Variants in NEK1 observed in about 807,000 individuals in gnomAD.
NEK1 encodes the protein NIMA related kinase 1.
NEK1 carries 137 observed loss-of-function variants against 182.1 expected under a neutral mutation model. The observed-to-expected ratio is 0.75, with a 90% CI of 0.65 to 0.87. The LOEUF (loss-of-function observed/expected upper bound fraction) is 0.87, where lower values mean the gene tolerates loss of function less well. Among genes scored for constraint, NEK1 ranks in the 40% least tolerant of loss-of-function variants. NEK1 has a pLI of 0.00. For synonymous variants in NEK1, 513 were observed against 492.2 expected (o/e 1.04, Z -0.56); for missense variants, 1,391 against 1,494.4 (o/e 0.93, Z 1.14).
At chr4:169,522,423 G>T (rs1266021413) in intron 19 of NEK1, among the ~76,000 whole-genome samples, 1 of 152,120 alleles carries the variant, frequency 6.6e-6, no homozygotes, top group Admixed American at 6.6e-5. Context: ...CATTCAGCTT[G>T]GTTTGACAAG....
At chr4:169,586,629 G>A (rs1420142684) in intron 9 of NEK1, among the ~76,000 whole-genome samples, 1 of 151,800 alleles carries the variant, frequency 6.6e-6, no homozygotes, top group Non-Finnish European at 1.5e-5. Flanking sequence ...TAACTGTGTT[G>A]CAGAAAAACT....
Position 169,537,797 on chromosome 4 carries a change from CA to C in NEK1, c.1665+11del. ...ATACATTCAAAATCTCAGAAACAAACAAAATTCATACCATATGTCCTTCGGC... is the reference window on the plus strand; with the variant it reads ...ATACATTCAAAATCTCAGAAACAAACAAATTCATACCATATGTCCTTCGGC... On this transcript the variant is annotated intron_variant, in intron 19 of 35. Transcript: ENST00000507142. The C allele has an allele frequency of 1.9e-6, 3 of 1,603,712 alleles. No homozygotes were observed. Among genetic ancestry groups the C allele is most frequent in the Non-Finnish European group, 1.7e-6 (2 of 1,171,066 alleles).
chr4:169,485,206 C>T (rs541037337), intron 23 of NEK1, among the ~76,000 whole-genome samples: 27 of 152,234 alleles, frequency 1.8e-4, no homozygotes, highest in African/African-American at 6.0e-4. Flanking sequence ...TCTGAGTCAA[C>T]TAAACCAAAC....
chr4:169,462,821 T>C (rs868304485), intron 27 of NEK1, among the ~76,000 whole-genome samples: 1 of 152,150 alleles, frequency 6.6e-6, no homozygotes, highest in Non-Finnish European at 1.5e-5. Context: ...ATCAGGAATA[T>C]TTCCTCCTGC....
chr4:169,457,702 G>A (rs1424789353), intron 27 of NEK1, among the ~76,000 whole-genome samples: 1 of 138,750 alleles, frequency 7.2e-6, no homozygotes, highest in African/African-American at 2.7e-5. Context: ...GAAGGGGGGA[G>A]GGGAGAAGGA....
In NEK1 at chr4:169,401,758, T is replaced by C; in HGVS notation, c.3477A>G (p.Ser1159=). The change falls in exon 33 of 36, where the codon TCA becomes TCG. Residue 1159 remains serine, a synonymous_variant. Transcript: ENST00000507142. ...PGEEYSEEEE[S]VLKNSDVEPT... ...GCTCCACATCACTGTTCTTCAAGAC[T>C]GACTCTTCTTCTTCACTGTATTCTT... 6.2e-7 allele frequency: 1 copy of C among 1,613,952 alleles called. No homozygotes were observed.
chr4:169,484,896 A>G (rs62334476), intron 23 of NEK1, among the ~76,000 whole-genome samples: 1,659 of 152,330 alleles, frequency 0.011, 14 homozygotes, highest in Non-Finnish European at 0.017. Flanking sequence ...TAAAGTACAC[A>G]TCTGTGTACC....
intron 27 of NEK1, among the ~76,000 whole-genome samples, chr4:169,450,694 T>C (rs1170469217): frequency 6.6e-6 from 1 of 152,258 alleles, no homozygotes; most frequent in East Asian, 1.9e-4. Context: ...TACCAGCCAC[T>C]GCAAAAACAG....
chr4:169,535,829 G>A (rs1412706807), intron 19 of NEK1, among the ~76,000 whole-genome samples: 3 of 147,738 alleles, frequency 2.0e-5, no homozygotes, highest in East Asian at 2.0e-4. Flanking sequence ...GCAGTGAGCC[G>A]AGACTGCGCC....
intron 23 of NEK1, 106 bp downstream of exon 23, chr4:169,506,931 A>G: frequency 1.7e-6 from 1 of 605,126 alleles, no homozygotes; most frequent in South Asian, 3.2e-5. Context: ...AGAATGAAAA[A>G]ACAGAAAAAA....
intron 31 of NEK1, among the ~76,000 whole-genome samples, chr4:169,421,846 T>C (rs1024355685): frequency 1.3e-5 from 2 of 152,202 alleles, no homozygotes; most frequent in Non-Finnish European, 2.9e-5. Context: ...ATAGTTCAAA[T>C]AGATTAAAAA....
chr4:169,407,540 A>G (rs1732864957), intron 31 of NEK1, among the ~76,000 whole-genome samples: 1 of 152,252 alleles, frequency 6.6e-6, no homozygotes, highest in African/African-American at 2.4e-5. Flanking sequence ...GAGTTGAGGA[A>G]AGAAAAAAAG....
Position 169,576,964 on chromosome 4 carries a change from T to A in NEK1, c.984A>T (p.Lys328Asn). Residue 328 changes from lysine to asparagine, a missense_variant, in exon 12 of 36, where the codon AAA (lysine) becomes AAT (asparagine). Transcript: ENST00000507142. ...TTTGCAGTGGTTTCTTTTCGTGTAA[T>A]TTTTTATCTCCATATTTCTTATATG... ...PLAYKKYGDK[K>N]LHEKKPLQKH... is the part of the protein sequence containing the mutation. 1 of 1,611,756 alleles carries A rather than the reference T, an allele frequency of 6.2e-7. No individual in the cohort carries two copies. Among genetic ancestry groups the A allele is most frequent in the African/African-American group, 1.3e-5 (1 of 75,028 alleles).
intron 19 of NEK1, 48 bp downstream of exon 19, chr4:169,537,761 T>G (rs896103620): frequency 7.3e-7 from 1 of 1,373,580 alleles, no homozygotes. Context: ...AGACCTTCAC[T>G]TGGAATACTA....
intron 35 of NEK1, among the ~76,000 whole-genome samples, chr4:169,396,128 G>A (rs1730645274): frequency 6.6e-6 from 1 of 152,010 alleles, no homozygotes; most frequent in South Asian, 2.1e-4. Flanking sequence ...CACTTTGGGA[G>A]ACCGAGGCAG....
chr4:169,472,159 C>T (rs987073667), intron 26 of NEK1, among the ~76,000 whole-genome samples: 18 of 149,718 alleles, frequency 1.2e-4, no homozygotes, highest in African/African-American at 3.9e-4. Flanking sequence ...CACTGAGGTA[C>T]AAAAAACAAA....
At chr4:169,508,207 A>G (rs905294719) in intron 21 of NEK1, 41 bp downstream of exon 21, 10 of 1,493,840 alleles carry the variant, frequency 6.7e-6, no homozygotes, top group South Asian at 1.3e-5. Context: ...ACCTACTATG[A>G]CATCATTCAA....
At chr4:169,409,182 G>A (rs1260208112) in intron 31 of NEK1, among the ~76,000 whole-genome samples, 6 of 150,858 alleles carry the variant, frequency 4.0e-5, no homozygotes, top group Non-Finnish European at 8.9e-5. Flanking sequence ...GTCTTGCTCT[G>A]TCCCCAGGCT....
intron 27 of NEK1, among the ~76,000 whole-genome samples, chr4:169,454,712 C>T (rs544921012): frequency 2.0e-4 from 30 of 152,302 alleles, no homozygotes; most frequent in Admixed American, 3.9e-4. Context: ...GAAATAGGAA[C>T]GCTTTTACAC....
Sources: gnomAD v4.1 joint callset for allele counts (sites outside exome capture counted in the v4.1 genomes callset) on GRCh38, gnomAD v4.1.1 for gene constraint, MANE v1.5 for transcripts, NCBI Gene and HGNC (gene_info 2026-07-23, HGNC 2026-07-21) for gene names.